OSBPL10: variants seen among roughly 807,000 people sequenced by gnomAD.
OSBPL10 encodes the protein oxysterol binding protein like 10, also known as oxysterol-binding protein-related protein 10.
In OSBPL10, 49 loss-of-function variants were observed where a neutral mutation model predicts 81.7. The observed-to-expected ratio is 0.60, with a 90% CI of 0.48 to 0.76. The LOEUF (loss-of-function observed/expected upper bound fraction) is 0.76, where lower values mean the gene tolerates loss of function less well. Ranked by LOEUF, OSBPL10 falls within the 30% of genes least tolerant of loss-of-function variation. OSBPL10 has a pLI of 0.00. For missense variants in OSBPL10, 923 were observed against 987.8 expected (o/e 0.93, Z 0.88); for synonymous variants, 419 against 383.6 (o/e 1.09, Z -1.08).
chr3:31,831,486 A>C (rs1456449429), intron 3 of OSBPL10, among the ~76,000 whole-genome samples: 1 of 152,172 alleles, frequency 6.6e-6, no homozygotes, highest in African/African-American at 2.4e-5. Flanking sequence ...CAAAGGAAAC[A>C]AACAGACCAA....
intron 2 of OSBPL10, among the ~76,000 whole-genome samples, chr3:32,021,890 G>T (rs908608852): frequency 6.6e-6 from 1 of 151,628 alleles, no homozygotes; most frequent in Non-Finnish European, 1.5e-5. Context: ...GAGGTGGGAG[G>T]ATCACCTGAG....
At chr3:31,694,342 G>T (rs533803936) in intron 7 of OSBPL10, among the ~76,000 whole-genome samples, 4 of 111,768 alleles carry the variant, frequency 3.6e-5, no homozygotes, top group Middle Eastern at 0.011. Flanking sequence ...CTGCACTCCA[G>T]CCTGGGTGAC....
intron 7 of OSBPL10, 26 bp from the exon 8 acceptor site, chr3:31,684,140 G>A: frequency 6.2e-7 from 1 of 1,607,018 alleles, no homozygotes; most frequent in Non-Finnish European, 8.5e-7. Context: ...CACAAAGTCA[G>A]ACAATCCCTG....
chr3:31,876,073 C>T (rs945636997), intron 3 of OSBPL10, among the ~76,000 whole-genome samples: 1 of 151,990 alleles, frequency 6.6e-6, no homozygotes, highest in African/African-American at 2.4e-5. Context: ...ATTTAAGGAT[C>T]GGTGATGGCT....
chr3:31,924,271 G>A (rs998873565), intron 1 of OSBPL10, among the ~76,000 whole-genome samples: 2 of 151,854 alleles, frequency 1.3e-5, no homozygotes, highest in Admixed American at 6.6e-5. Flanking sequence ...TGTCTCTTAC[G>A]GCATTGACTC....
intron 8 of OSBPL10, among the ~76,000 whole-genome samples, chr3:31,678,415 G>A (rs1300905011): frequency 1.3e-5 from 2 of 152,194 alleles, no homozygotes; most frequent in Admixed American, 1.3e-4. Context: ...TCACACACGT[G>A]ACACCACTGC....
At chr3:31,778,244 G>C (rs1029887861) in intron 4 of OSBPL10, among the ~76,000 whole-genome samples, 1 of 152,164 alleles carries the variant, frequency 6.6e-6, no homozygotes, top group Admixed American at 6.5e-5. Flanking sequence ...ATTGCTACCA[G>C]CTTTCCCCCA....
intron 9 of OSBPL10, 52 bp from the exon 10 acceptor site, chr3:31,668,876 G>T (rs758022639): frequency 7.0e-7 from 1 of 1,423,990 alleles, no homozygotes; most frequent in Non-Finnish European, 9.3e-7. Context: ...TAAAAACAGA[G>T]ACTTCAAAGG....
chr3:31,948,030 G>C lies in OSBPL10; in HGVS notation c.281+32869C>G, dbSNP rs150833095. On this transcript the variant is annotated intron_variant, in intron 1 of 11. Transcript: ENST00000396556. ...AGTCACTGGGTACAAGGTCACACCA[G>C]AGTGGAGGATGCAGGTTACCTCCCA... Among the ~76,000 whole-genome samples, 5 of 152,326 alleles carry C rather than the reference G, an allele frequency of 3.3e-5. No individual in the cohort carries two copies. In the East Asian group the frequency reaches 9.7e-4, roughly 29 times the overall value.
At chr3:31,775,064 G>C (rs796367668) in intron 4 of OSBPL10, among the ~76,000 whole-genome samples, 2 of 151,846 alleles carry the variant, frequency 1.3e-5, no homozygotes, top group African/African-American at 4.8e-5. Context: ...CTACTCAGTG[G>C]GGGTGGCTGA....
intron 1 of OSBPL10, among the ~76,000 whole-genome samples, chr3:31,956,738 A>T (rs1415120727): frequency 6.6e-6 from 1 of 151,960 alleles, no homozygotes; most frequent in African/African-American, 2.4e-5. Context: ...CAAAAAAAAA[A>T]AGGGGGCCTT....
intron 2 of OSBPL10, among the ~76,000 whole-genome samples, chr3:32,041,367 G>C (rs1414769271): frequency 2.0e-5 from 3 of 152,320 alleles, no homozygotes; most frequent in South Asian, 2.1e-4. Flanking sequence ...TTCACATGGT[G>C]GTTCCAGTCT....
intron 3 of OSBPL10, among the ~76,000 whole-genome samples, chr3:31,871,308 C>T (rs1300353805): frequency 1.3e-5 from 2 of 152,016 alleles, no homozygotes; most frequent in African/African-American, 4.8e-5. Flanking sequence ...GATGCGCCGC[C>T]TTAAGAGCTG....
rs1700307446 is a variant in OSBPL10, at chr3:31,670,926, T to A, written c.1784A>T (p.Tyr595Phe). The change falls in exon 9 of 12, where the codon TAC (tyrosine) becomes TTC (phenylalanine). Residue 595 changes from tyrosine (Y) to phenylalanine (F), a missense_variant. By Grantham distance (22) the Tyr-to-Phe change is conservative (BLOSUM62 3). This residue lies in a region of OSBPL10 where 387 missense variants were observed against 436.3 expected (regional missense o/e 0.89). Transcript: ENST00000396556. ...EEYVFTLPSA[Y>F]ARSILTIPWV... is the part of the protein sequence containing the mutation. ...CGGGATGGTGAGAATGGACCGGGCG[T>A]AGGCACTAGGCAGGGTGAATACGTA... 6.2e-7 allele frequency: 1 copy of A among 1,613,968 alleles called. No homozygotes were observed.
rs1266168258 is a variant in OSBPL10, at chr3:31,663,844, G to A, written c.2250+235C>T. ...CATGCTTTTCTGACATAGGGATACT[G>A]GAGGGGAAGTGTCAGTTGCTCAGTT... On this transcript the variant is annotated intron_variant, in intron 11 of 11. Transcript: ENST00000396556. The A allele has an allele frequency of 2.8e-6, 4 of 1,418,488 alleles. No homozygotes were observed. In the African/African-American group the frequency reaches 4.3e-5, roughly 15 times the overall value. 87.9% of individuals were successfully genotyped at this position (1,418,488 alleles called of 1,614,324 possible).
intron 4 of OSBPL10, among the ~76,000 whole-genome samples, chr3:31,819,776 G>T (rs1337233361): frequency 6.6e-6 from 1 of 152,214 alleles, no homozygotes; most frequent in Non-Finnish European, 1.5e-5. Flanking sequence ...ACAGTTCCCA[G>T]TTTCTGAGAG....
At chr3:31,944,123 C>G (rs1227351008) in intron 1 of OSBPL10, among the ~76,000 whole-genome samples, 3 of 151,834 alleles carry the variant, frequency 2.0e-5, no homozygotes, top group Admixed American at 2.0e-4. Context: ...CAGCAATGAA[C>G]ATTTTCATGA....
chr3:31,896,211 A>G (rs1245584975), intron 1 of OSBPL10, among the ~76,000 whole-genome samples: 6 of 152,138 alleles, frequency 3.9e-5, no homozygotes, highest in Non-Finnish European at 8.8e-5. Context: ...TAAAACCATC[A>G]CACTTTGTAG....
At chr3:31,755,796 G>A (rs1005638178) in intron 4 of OSBPL10, among the ~76,000 whole-genome samples, 3 of 152,200 alleles carry the variant, frequency 2.0e-5, no homozygotes, top group Non-Finnish European at 4.4e-5. Flanking sequence ...AGGCCATGCT[G>A]TTGAGGGCAA....
Sources: gnomAD v4.1 joint callset for allele counts (sites outside exome capture counted in the v4.1 genomes callset) on GRCh38, gnomAD v4.1.1 for gene constraint, gnomAD v4.1.1 regional missense constraint, MANE v1.5 for transcripts, NCBI Gene and HGNC (gene_info 2026-07-23, HGNC 2026-07-21) for gene names.